The following DIRAS2 variants were observed in gnomAD, a reference collection of about 807,000 sequenced individuals.
DIRAS2 encodes DIRAS family GTPase 2, also known as GTP-binding protein Di-Ras2.
A neutral mutation model predicts 13.9 loss-of-function variants in DIRAS2; 5 were observed. The observed-to-expected ratio is 0.36, with a 90% CI of 0.19 to 0.76. The LOEUF is 0.76. DIRAS2 is among the 30% of genes least tolerant of loss of function. The probability of loss-of-function intolerance (pLI) is 0.53; values close to 1 mark genes in which losing one functional copy is unlikely to be tolerated. For synonymous variants in DIRAS2, 111 were observed against 105.4 expected (o/e 1.05, Z -0.33); for missense variants, 191 against 263.0 (o/e 0.73, Z 1.89).
At position 90,613,913 on chromosome 9, in the gene DIRAS2, A is replaced by T. The variant is rs903688412; in HGVS notation, c.-36-50T>A. 1 of 1,465,342 alleles carries T rather than the reference A, an allele frequency of 6.8e-7. No individual in the cohort carries two copies. The highest frequency in any genetic ancestry group is 1.4e-5 in the African/African-American group (1 of 69,432). The allele number at this position is 1,465,342 out of a possible 1,614,324, so 90.8% of individuals were successfully genotyped here. On this transcript the variant is annotated intron_variant, in intron 1 of 1. Coordinates refer to ENST00000375765, the MANE Select transcript of DIRAS2 (RefSeq NM_017594.5). The surrounding 1 kb of genome is among the most constrained non-coding windows in gnomAD (Gnocchi z 5.6). ...AAGAATTAATAATTAAAATATAAAA[A>T]CATTAATAAGGATAGCTCTACCCTC...
At chr9:90,617,562 G>A (rs1825181126) in intron 1 of DIRAS2, among the ~76,000 whole-genome samples, 1 of 152,194 alleles carries the variant, frequency 6.6e-6, no homozygotes, top group African/African-American at 2.4e-5. Context: ...TGAGACTAAT[G>A]TGGGGAGTAA....
chr9:90,613,157 C>A lies in DIRAS2; in HGVS notation c.*71G>T. 1 of 1,557,594 alleles carries A rather than the reference C, an allele frequency of 6.4e-7. No homozygotes were observed. The highest frequency in any genetic ancestry group is 8.7e-7 in the Non-Finnish European group (1 of 1,153,268). On this transcript the variant is annotated 3_prime_UTR_variant, in exon 2 of 2. Transcript: ENST00000375765. The surrounding 1 kb of genome is among the most constrained non-coding windows in gnomAD (Gnocchi z 5.6). Reference sequence around the variant, plus strand: ...GTGGGCATTATACATGCTACCCTGACGACGGTGGGTGTCATTTTGGGGGAG... The same window carrying A: ...GTGGGCATTATACATGCTACCCTGAAGACGGTGGGTGTCATTTTGGGGGAG...
intron 1 of DIRAS2, among the ~76,000 whole-genome samples, chr9:90,639,165 C>G (rs1407841024): frequency 6.6e-6 from 1 of 152,114 alleles, no homozygotes; most frequent in Admixed American, 6.5e-5. Flanking sequence ...GACAGAGAAC[C>G]ATGTGATGGA....
intron 1 of DIRAS2, among the ~76,000 whole-genome samples, chr9:90,637,505 T>C (rs1467463609): frequency 6.6e-6 from 1 of 152,240 alleles, no homozygotes; most frequent in Non-Finnish European, 1.5e-5. Context: ...CTCCATCACC[T>C]GTCCCATGAA....
At chr9:90,617,459 A>G (rs1047642246) in intron 1 of DIRAS2, among the ~76,000 whole-genome samples, 8 of 152,216 alleles carry the variant, frequency 5.3e-5, no homozygotes, top group Admixed American at 5.2e-4. Context: ...CCAATCTGTT[A>G]TATGCTATTG....
At chr9:90,614,825 A>G (rs1429296552) in intron 1 of DIRAS2, among the ~76,000 whole-genome samples, 1 of 152,244 alleles carries the variant, frequency 6.6e-6, no homozygotes, top group Non-Finnish European at 1.5e-5. Context: ...AGGAGAATGC[A>G]GCAACTCTTC....
At chr9:90,632,954 T>C (rs1825338917) in intron 1 of DIRAS2, among the ~76,000 whole-genome samples, 1 of 152,184 alleles carries the variant, frequency 6.6e-6, no homozygotes, top group Non-Finnish European at 1.5e-5. Flanking sequence ...CTTGGTGATA[T>C]CCATGGCTCT....
chr9:90,622,016 C>T (rs751063929), intron 1 of DIRAS2, among the ~76,000 whole-genome samples: 2 of 152,156 alleles, frequency 1.3e-5, no homozygotes, highest in African/African-American at 2.4e-5. Context: ...ATTTAGGAGG[C>T]TGAGGCAGGA....
intron 1 of DIRAS2, among the ~76,000 whole-genome samples, chr9:90,636,927 C>T (rs888476299): frequency 1.3e-5 from 2 of 152,176 alleles, no homozygotes; most frequent in African/African-American, 4.8e-5. Flanking sequence ...CTTAGCCTTG[C>T]CTACCTTAAA....
intron 1 of DIRAS2, among the ~76,000 whole-genome samples, chr9:90,638,636 ATGTGTGTGTGTG>A (rs10599969): frequency 2.0e-5 from 3 of 148,778 alleles, no homozygotes; most frequent in African/African-American, 7.4e-5. Context: ...TCCATTGATC[ATGTGTGTGTGTG>A]TGTGTGTGTG....
At chr9:90,619,205 C>T (rs1444173390) in intron 1 of DIRAS2, among the ~76,000 whole-genome samples, 1 of 152,064 alleles carries the variant, frequency 6.6e-6, no homozygotes, top group Non-Finnish European at 1.5e-5. Context: ...ATTGGGAGAT[C>T]GAAGTGGGTG....
chr9:90,616,916 G>A (rs527353010), intron 1 of DIRAS2, among the ~76,000 whole-genome samples: 5 of 152,206 alleles, frequency 3.3e-5, no homozygotes, highest in South Asian at 4.2e-4. Context: ...GCCCCACTTC[G>A]CAGATGCTGT....
intron 1 of DIRAS2, among the ~76,000 whole-genome samples, chr9:90,614,370 G>A (rs1825147311): frequency 6.6e-6 from 1 of 151,490 alleles, no homozygotes; most frequent in South Asian, 2.1e-4. Context: ...TACTGGGAGA[G>A]GGAGATGAAT....
chr9:90,632,215 G>A (rs539725681), intron 1 of DIRAS2, among the ~76,000 whole-genome samples: 1 of 152,236 alleles, frequency 6.6e-6, no homozygotes, highest in South Asian at 2.1e-4. Flanking sequence ...CATTGGCCCT[G>A]TCTCCCTGAC....
chr9:90,640,950 T>C (rs1157650962), intron 1 of DIRAS2, among the ~76,000 whole-genome samples: 4 of 152,228 alleles, frequency 2.6e-5, no homozygotes, highest in Non-Finnish European at 5.9e-5. Context: ...TTATCACAGA[T>C]ACACTCTCTT....
chr9:90,640,316 A>C (rs940932388), intron 1 of DIRAS2, among the ~76,000 whole-genome samples: 4 of 152,220 alleles, frequency 2.6e-5, no homozygotes, highest in Non-Finnish European at 1.5e-5. Flanking sequence ...GGCTGAGAGC[A>C]AAGAAGGAGA....
rs1748815323 is a variant in DIRAS2, at chr9:90,610,588, A to C, written c.*2640T>G. On this transcript the variant is annotated 3_prime_UTR_variant, in exon 2 of 2. Transcript: ENST00000375765. ...TGCAATGTAGGATGTGTTTTCAAGA[A>C]CCACAGCTACATATTTGGGAATGGA... 1 of 395,276 alleles carries C rather than the reference A, an allele frequency of 2.5e-6. No homozygotes were observed. The highest frequency in any genetic ancestry group is 4.4e-5 in the Admixed American group (1 of 22,658). The allele number at this position is 395,276 out of a possible 1,614,324, so 24.5% of individuals were successfully genotyped here.
chr9:90,635,441 T>TA (rs1051220564), intron 1 of DIRAS2, among the ~76,000 whole-genome samples: 1 of 152,190 alleles, frequency 6.6e-6, no homozygotes, highest in Non-Finnish European at 1.5e-5. Flanking sequence ...AATATTCATT[T>TA]AAAAAAATGC....
chr9:90,616,677 C>A (rs1276098830), intron 1 of DIRAS2, among the ~76,000 whole-genome samples: 1 of 131,450 alleles, frequency 7.6e-6, no homozygotes, highest in Non-Finnish European at 1.5e-5. Flanking sequence ...GTGGAGGTGG[C>A]AGTGAGCTGA....
Sources: gnomAD v4.1 joint callset for allele counts (sites outside exome capture counted in the v4.1 genomes callset) on GRCh38, gnomAD v4.1.1 for gene constraint, Gnocchi (gnomAD v3.1) non-coding constraint, MANE v1.5 for transcripts, NCBI Gene and HGNC (gene_info 2026-07-23, HGNC 2026-07-21) for gene names.